The following ANO6 variants were observed in gnomAD, a reference collection of about 807,000 sequenced individuals.
The protein encoded by ANO6 is anoctamin 6, also known as anoctamin-6.
A neutral mutation model predicts 117.5 loss-of-function variants in ANO6; 106 were observed. That is an observed-to-expected ratio of 0.90 (90% CI 0.77 to 1.06). The LOEUF (loss-of-function observed/expected upper bound fraction) is 1.06. ANO6 is among the 50% of genes least tolerant of loss of function. The probability of loss-of-function intolerance (pLI) is 0.00; values close to 1 mark genes in which losing one functional copy is unlikely to be tolerated. For synonymous variants in ANO6, 367 were observed against 385.1 expected (o/e 0.95, Z 0.55); for missense variants, 955 against 1,121.1 (o/e 0.85, Z 2.12).
At chr12:45,412,088 C>T (rs1943101498) in intron 16 of ANO6, among the ~76,000 whole-genome samples, 4 of 152,216 alleles carry the variant, frequency 2.6e-5, no homozygotes, top group African/African-American at 9.6e-5. Flanking sequence ...TTCCCACCAT[C>T]CTTTGAGATT....
chr12:45,249,360 G>C (rs1218318698), intron 1 of ANO6, among the ~76,000 whole-genome samples: 7 of 152,082 alleles, frequency 4.6e-5, no homozygotes, highest in Admixed American at 2.6e-4. Context: ...ATTTCATCTT[G>C]AGTAATTATT....
At chr12:45,380,769 T>C (rs922951508) in intron 10 of ANO6, among the ~76,000 whole-genome samples, 1 of 152,094 alleles carries the variant, frequency 6.6e-6, no homozygotes, top group Non-Finnish European at 1.5e-5. Flanking sequence ...GGTCAGGAGT[T>C]TGAAACCAGC....
chr12:45,433,515 A>G (rs1456615865), downstream of ANO6, among the ~76,000 whole-genome samples: 1 of 152,194 alleles, frequency 6.6e-6, no homozygotes, highest in Non-Finnish European at 1.5e-5. Context: ...AGATTGGATC[A>G]CTGGGAATGA....
At chr12:45,320,083 G>T (rs535358601) in intron 2 of ANO6, among the ~76,000 whole-genome samples, 1 of 152,150 alleles carries the variant, frequency 6.6e-6, no homozygotes, top group Non-Finnish European at 1.5e-5. Flanking sequence ...TGGATTCATT[G>T]ATTTTTTTGA....
intron 1 of ANO6, among the ~76,000 whole-genome samples, chr12:45,301,633 GAA>G (rs1939493090): frequency 6.8e-6 from 1 of 147,374 alleles, no homozygotes; most frequent in East Asian, 2.0e-4. Flanking sequence ...AAAAAAAAAA[GAA>G]AAAGAAGATT....
rs77516706 is a variant in ANO6 at position 45,291,690 on chromosome 12, T to C, written c.71-10324T>C. On this transcript the variant is annotated intron_variant, in intron 1 of 19. Coordinates refer to ENST00000320560, the MANE Select transcript of ANO6 (RefSeq NM_001025356.3). Reference sequence around the variant, plus strand: ...CAAAAGAATATGTACAGATATCTAATAGCACAGGAGGGAATGCTCAACATC... The same window carrying C: ...CAAAAGAATATGTACAGATATCTAACAGCACAGGAGGGAATGCTCAACATC... Among the ~76,000 whole-genome samples the C allele has an allele frequency of 7.2e-3, 1,102 of 152,206 alleles. 9 individuals are homozygous for C. The highest frequency in any genetic ancestry group is 8.8e-3 in the Non-Finnish European group (598 of 68,010).
chr12:45,340,887 A>C (rs1940960748), intron 3 of ANO6, among the ~76,000 whole-genome samples: 3 of 152,196 alleles, frequency 2.0e-5, no homozygotes, highest in African/African-American at 7.2e-5. Context: ...TGCCTATTTG[A>C]CAAATATAGC....
chr12:45,341,635 A>T (rs1250831946), intron 3 of ANO6, among the ~76,000 whole-genome samples: 1 of 152,202 alleles, frequency 6.6e-6, no homozygotes, highest in African/African-American at 2.4e-5. Context: ...GGTAGCCTGA[A>T]GATCAGGATA....
At position 45,439,215 on chromosome 12, in the gene ANO6, G is replaced by A. The variant is rs533964449; in HGVS notation, c.2527-460G>A. The stretch of plus-strand genomic sequence containing the variant: ...CAGCCCACCACTGAAGTGAGTCACA[G>A]TCCAGGATGCAGTTACAGTAGCCTA... On this transcript the variant is annotated intron_variant, in intron 19 of 19. Coordinates refer to the ANO6 transcript ENST00000425752. Among the ~76,000 whole-genome samples the A allele has an allele frequency of 7.2e-5, 11 of 152,332 alleles. No homozygotes were observed. The South Asian group carries it at 2.3e-3, about 32-fold the overall frequency.
intron 19 of ANO6, among the ~76,000 whole-genome samples, chr12:45,427,448 T>C (rs1943530582): frequency 6.6e-6 from 1 of 152,174 alleles, no homozygotes; most frequent in Non-Finnish European, 1.5e-5. Context: ...ACCTAGAATG[T>C]CTTTTCTTCT....
chr12:45,274,521 C>T lies in ANO6; in HGVS notation c.71-27493C>T, dbSNP rs560438007. On this transcript the variant is annotated intron_variant, in intron 1 of 19. Transcript: ENST00000320560. ...ACCTAAATCGGAGCCCAGGCCACTACTAAGTTTTGCAAGGACTCCTGTAGT... is the reference window on the plus strand; with the variant it reads ...ACCTAAATCGGAGCCCAGGCCACTATTAAGTTTTGCAAGGACTCCTGTAGT... Among the ~76,000 whole-genome samples the T allele has an allele frequency of 3.1e-4, 47 of 152,158 alleles. No homozygotes were observed. The South Asian group carries it at 9.8e-3, about 32-fold the overall frequency.
intron 3 of ANO6, among the ~76,000 whole-genome samples, chr12:45,333,515 G>C (rs1024238026): frequency 1.1e-4 from 17 of 151,968 alleles, no homozygotes; most frequent in African/African-American, 4.1e-4. Flanking sequence ...AAGGGCCCTA[G>C]AGCTGCTTAC....
At chr12:45,309,368 C>G (rs1422855273) in intron 2 of ANO6, among the ~76,000 whole-genome samples, 1 of 152,056 alleles carries the variant, frequency 6.6e-6, no homozygotes, top group African/African-American at 2.4e-5. Context: ...ATTCTATTCA[C>G]ATGGACCTGA....
chr12:45,375,581 C>A (rs1254901483), intron 9 of ANO6, among the ~76,000 whole-genome samples: 4 of 152,130 alleles, frequency 2.6e-5, no homozygotes, highest in Non-Finnish European at 4.4e-5. Flanking sequence ...CTTTGACAAA[C>A]CTGACAAAAA....
intron 2 of ANO6, among the ~76,000 whole-genome samples, chr12:45,305,472 GTTAC>G (rs1440630678): frequency 6.6e-6 from 1 of 152,166 alleles, no homozygotes; most frequent in African/African-American, 2.4e-5. Flanking sequence ...CTAATCCATT[GTTAC>G]TTTGAAAGCA....
chr12:45,350,908 G>A (rs1941264045), intron 7 of ANO6, 134 bp downstream of exon 7: 1 of 730,016 alleles, frequency 1.4e-6, no homozygotes, highest in Admixed American at 2.1e-5. Flanking sequence ...TCGTTGGCCA[G>A]GGTTTTTATT....
intron 1 of ANO6, among the ~76,000 whole-genome samples, chr12:45,263,662 A>C (rs1187118633): frequency 6.6e-6 from 1 of 152,118 alleles, no homozygotes; most frequent in Non-Finnish European, 1.5e-5. Context: ...GCAGGATTAC[A>C]TGAAGAATGG....
intron 15 of ANO6, 106 bp from the exon 16 acceptor site, chr12:45,409,251 G>T: frequency 1.4e-6 from 2 of 1,433,390 alleles, no homozygotes; most frequent in Non-Finnish European, 1.9e-6. Flanking sequence ...CAAAAAAATA[G>T]TTTATTGGGA....
intron 3 of ANO6, among the ~76,000 whole-genome samples, chr12:45,337,628 G>A (rs998696723): frequency 2.0e-5 from 3 of 152,106 alleles, no homozygotes; most frequent in African/African-American, 4.8e-5. Context: ...ATAGAATAGT[G>A]ATTAGCAGGG....
Sources: gnomAD v4.1 joint callset for allele counts (sites outside exome capture counted in the v4.1 genomes callset) on GRCh38, gnomAD v4.1.1 for gene constraint, MANE v1.5 for transcripts, NCBI Gene and HGNC (gene_info 2026-07-23, HGNC 2026-07-21) for gene names.